ZNF253: variants seen among roughly 807,000 people sequenced by gnomAD.
ZNF253 encodes the protein DNA-binding protein.
A neutral mutation model predicts 11.9 loss-of-function variants in ZNF253; 8 were observed. The observed-to-expected ratio is 0.67, with a 90% CI of 0.40 to 1.22. The LOEUF is 1.22. ZNF253 is among the 50% of genes most tolerant of loss of function. ZNF253 has a pLI of 0.01. For missense variants in ZNF253, 485 were observed against 586.9 expected (o/e 0.83, Z 1.79); for synonymous variants, 194 against 194.9 (o/e 1.00, Z 0.04).
At chr19:19,888,214 C>T (rs1373901642) in intron 3 of ZNF253, among the ~76,000 whole-genome samples, 1 of 152,034 alleles carries the variant, frequency 6.6e-6, no homozygotes, top group East Asian at 1.9e-4. Flanking sequence ...TAGGCACCCA[C>T]CACCATGCTG....
chr19:19,881,970 C>T (rs1455518637), intron 3 of ZNF253, among the ~76,000 whole-genome samples: 1 of 152,008 alleles, frequency 6.6e-6, no homozygotes, highest in Non-Finnish European at 1.5e-5. Flanking sequence ...AGGTGGATCA[C>T]CTGAGGTCAG....
intron 3 of ZNF253, among the ~76,000 whole-genome samples, chr19:19,881,193 A>AT (rs2063176431): frequency 6.6e-6 from 1 of 151,246 alleles, no homozygotes; most frequent in South Asian, 2.1e-4. Context: ...TTTTTTATTT[A>AT]TTTTTTATTG....
intron 3 of ZNF253, among the ~76,000 whole-genome samples, chr19:19,890,832 ATTTTTT>A (rs770757608): frequency 1.9e-3 from 145 of 76,858 alleles, no homozygotes; most frequent in Non-Finnish European, 2.6e-3. Context: ...CAACAATTTA[ATTTTTT>A]TTTTTTTTTT....
chr19:19,866,082 TCA>T lies in ZNF253; in HGVS notation c.3+86_3+87del, dbSNP rs2063109762. On this transcript the variant is annotated intron_variant, in intron 1 of 3. Transcript: ENST00000589717. ...GTGGCTCTGGCGGGACTCTGCTTCC[TCA>T]CAGTCAGCTCCACAATCTGCCGCCG... 5.7e-6 allele frequency: 9 copies of T among 1,577,000 alleles called. No homozygotes were observed. The East Asian group carries it at 1.8e-4, about 31-fold the overall frequency.
At chr19:19,867,112 G>A (rs529352083) in intron 1 of ZNF253, among the ~76,000 whole-genome samples, 4 of 152,158 alleles carry the variant, frequency 2.6e-5, no homozygotes, top group Non-Finnish European at 5.9e-5. Context: ...AGGTCGAGGT[G>A]GATGGATCAC....
rs566224468 is a variant in ZNF253 at position 19,892,951 on chromosome 19, C to T, written c.*204C>T. 3.0e-5 allele frequency: 17 copies of T among 568,726 alleles called. No individual in the cohort carries two copies. In the African/African-American group the frequency reaches 3.2e-4, roughly 11 times the overall value. 35.2% of individuals were successfully genotyped at this position (568,726 alleles called of 1,614,324 possible). The stretch of plus-strand genomic sequence containing the variant: ...AGCCCTACAAGTGTGAAGAATGTGG[C>T]AAAACCTATAAACCTATAACAAGTT... On this transcript the variant is annotated 3_prime_UTR_variant, in exon 4 of 4. Transcript: ENST00000589717.
intron 2 of ZNF253, 30 bp from the exon 3 acceptor site, chr19:19,880,021 G>A: frequency 1.9e-6 from 3 of 1,550,964 alleles, no homozygotes; most frequent in Non-Finnish European, 2.7e-6. Context: ...ATATGAGCAA[G>A]ATTCATGTTA....
chr19:19,892,573 TAA>T lies in ZNF253; in HGVS notation c.1327_1328del (p.Lys443GlufsTer12). The T allele has an allele frequency of 6.2e-7, 1 of 1,614,018 alleles. No homozygotes were observed. Among genetic ancestry groups the T allele is most frequent in the South Asian group, 1.1e-5 (1 of 91,068 alleles). ...FTASSTLTTHKRIHTGEKPYK... is the reference protein window; with the variant it reads ...FTASSTLTTHXRIHTGEKPYK... ...CTGCATCCTCAACTCTAACTACACA[TAA>T]GAGAATTCATACTGGAGAGAAACCT... On this transcript the variant is annotated frameshift_variant, in exon 4 of 4. Transcript: ENST00000589717. LOFTEE classifies it low-confidence loss of function (END_TRUNC).
intron 3 of ZNF253, among the ~76,000 whole-genome samples, chr19:19,887,782 T>TA (rs1205378408): frequency 6.7e-6 from 1 of 149,398 alleles, no homozygotes; most frequent in Non-Finnish European, 1.5e-5. Flanking sequence ...TTTTTTTTTT[T>TA]TTTTTTTTTA....
Position 19,892,158 on chromosome 19 carries a change from A to C in ZNF253, c.911A>C (p.Lys304Thr). 6.2e-7 allele frequency: 1 copy of C among 1,612,692 alleles called. No individual in the cohort carries two copies. Among genetic ancestry groups the C allele is most frequent in the Non-Finnish European group, 8.5e-7 (1 of 1,179,648 alleles). Reference sequence around the variant, plus strand: ...CCCTCACACGTTACCACACATAAGAAAATTCATACTAGAGGGAAACCCTAC... The same window carrying C: ...CCCTCACACGTTACCACACATAAGACAATTCATACTAGAGGGAAACCCTAC... ...KHPSHVTTHKKIHTRGKPYNC... is the reference protein window; with the variant it reads ...KHPSHVTTHKTIHTRGKPYNC... The change falls in exon 4 of 4, where the codon AAA (lysine) becomes ACA (threonine). Residue 304 changes from lysine (K) to threonine (T), a missense_variant. This residue lies in a region of ZNF253 where 232 missense variants were observed against 321.4 expected (regional missense o/e 0.72). Transcript: ENST00000589717.
intron 3 of ZNF253, among the ~76,000 whole-genome samples, chr19:19,883,925 C>T (rs997983526): frequency 6.6e-6 from 1 of 151,848 alleles, no homozygotes; most frequent in African/African-American, 2.4e-5. Context: ...GGCATGGTGG[C>T]GCATGCCTAT....
chr19:19,882,655 C>T (rs1266464800), intron 3 of ZNF253, among the ~76,000 whole-genome samples: 1 of 152,100 alleles, frequency 6.6e-6, no homozygotes, highest in Non-Finnish European at 1.5e-5. Context: ...TGTTTGTACA[C>T]TTTAAGTCAA....
chr19:19,867,569 A>G (rs1049334650), intron 1 of ZNF253, among the ~76,000 whole-genome samples: 5 of 152,066 alleles, frequency 3.3e-5, no homozygotes, highest in East Asian at 1.9e-4. Flanking sequence ...GGATTTTGCA[A>G]TGTTGCCCAG....
chr19:19,885,258 T>TTTGAGATGGAGTCTTGCTCTGTCCC lies in ZNF253; in HGVS notation c.226+5112_226+5113insTTGAGATGGAGTCTTGCTCTGTCCC, dbSNP rs1568498626. ...TTCTTTCTTTCTTTCTTTCTTTCTT[T>TTTGAGATGGAGTCTTGCTCTGTCCC]CTTTCTTTCTTTCTTTCTTTCTTTC... is the stretch of plus-strand genomic sequence containing the variant. On this transcript the variant is annotated intron_variant, in intron 3 of 3. Transcript: ENST00000589717. 5.7e-5 allele frequency among the ~76,000 whole-genome samples: 4 copies of TTTGAGATGGAGTCTTGCTCTGTCCC among 70,454 alleles called. 1 individual carries two copies. In the African/African-American group the frequency reaches 6.8e-4, roughly 12 times the overall value. 46.2% of individuals were successfully genotyped at this position (70,454 alleles called of 152,430 possible).
rs763061966 is a variant in ZNF253 at position 19,878,505 on chromosome 19, G to C, written c.28G>C (p.Ala10Pro). Residue 10 changes from alanine (A) to proline (P), a missense_variant, in exon 2 of 4, where the codon GCC (alanine) becomes CCC (proline). Ala to Pro is a conservative substitution (Grantham distance 27). Around this residue, in one of 3 missense-constraint regions of ZNF253, gnomAD observed 35 missense variants for 52.4 expected, o/e 0.67. Transcript: ENST00000589717. Reference protein sequence around the residue: MGPLQFRDVAIEFSLEEWHC... With the variant: MGPLQFRDVPIEFSLEEWHC... The stretch of plus-strand genomic sequence containing the variant: ...GGGACCATTGCAATTTAGAGATGTG[G>C]CCATAGAATTCTCTCTGGAGGAGTG... 1 of 1,613,826 alleles carries C rather than the reference G, an allele frequency of 6.2e-7. No individual in the cohort carries two copies. The highest frequency in any genetic ancestry group is 1.3e-5 in the African/African-American group (1 of 74,860).
intron 1 of ZNF253, among the ~76,000 whole-genome samples, chr19:19,866,543 G>A (rs2063112061): frequency 1.3e-5 from 2 of 149,350 alleles, no homozygotes; most frequent in Admixed American, 1.4e-4. Context: ...TTGTGGCCCA[G>A]GCTAAAGTAC....
At chr19:19,879,345 C>G (rs991997890) in intron 2 of ZNF253, among the ~76,000 whole-genome samples, 1 of 152,062 alleles carries the variant, frequency 6.6e-6, no homozygotes, top group Non-Finnish European at 1.5e-5. Flanking sequence ...TAATTTTTCT[C>G]TTTAATGTAG....
chr19:19,876,206 C>G (rs2063155412), intron 1 of ZNF253, among the ~76,000 whole-genome samples: 2 of 152,286 alleles, frequency 1.3e-5, no homozygotes, highest in East Asian at 3.9e-4. Flanking sequence ...TGACAGAGAA[C>G]TTGTTTAAAA....
chr19:19,874,417 G>A (rs570869831), intron 1 of ZNF253, among the ~76,000 whole-genome samples: 15 of 152,168 alleles, frequency 9.9e-5, no homozygotes, highest in African/African-American at 3.6e-4. Context: ...TCAGCTACTC[G>A]GGAGGATGAG....
Sources: gnomAD v4.1 joint callset for allele counts (sites outside exome capture counted in the v4.1 genomes callset) on GRCh38, gnomAD v4.1.1 for gene constraint, gnomAD v4.1.1 regional missense constraint, MANE v1.5 for transcripts, NCBI Gene and HGNC (gene_info 2026-07-23, HGNC 2026-07-21) for gene names.